PPP2R2B: variants seen among roughly 807,000 people sequenced by gnomAD.
The protein encoded by PPP2R2B is serine/threonine-protein phosphatase 2A 55 kDa regulatory subunit B beta isoform.
A neutral mutation model predicts 46.0 loss-of-function variants in PPP2R2B; 5 were observed. The observed-to-expected ratio is 0.11, with a 90% CI of 0.06 to 0.23. The LOEUF is 0.23. PPP2R2B is among the 10% of genes least tolerant of loss of function. The probability of loss-of-function intolerance (pLI) is 1.00; values close to 1 mark genes in which losing one functional copy is unlikely to be tolerated. For synonymous variants in PPP2R2B, 215 were observed against 206.7 expected, an observed-to-expected ratio of 1.04 and a Z score of -0.34; for missense variants, 367 against 575.0, an observed-to-expected ratio of 0.64 and a Z score of 3.70.
chr5:146,773,245 G>A (rs996048298), intron 2 of PPP2R2B, among the ~76,000 whole-genome samples: 1 of 152,168 alleles, frequency 6.6e-6, no homozygotes, highest in Non-Finnish European at 1.5e-5. Context: ...TATGGGAAAT[G>A]GCCATACTGC....
chr5:146,865,346 T>C (rs1171757105), intron 2 of PPP2R2B, among the ~76,000 whole-genome samples: 1 of 151,476 alleles, frequency 6.6e-6, no homozygotes, highest in African/African-American at 2.4e-5. Context: ...TGGAAGGAAA[T>C]ATAGCACATC....
intron 5 of PPP2R2B, among the ~76,000 whole-genome samples, chr5:146,678,391 T>C (rs1471400226): frequency 7.0e-6 from 1 of 142,760 alleles, no homozygotes; most frequent in African/African-American, 2.9e-5. Context: ...TGGGACGTAT[T>C]TCAAAATAAT....
At chr5:147,023,889 C>T (rs1235221682) in intron 1 of PPP2R2B, among the ~76,000 whole-genome samples, 1 of 152,096 alleles carries the variant, frequency 6.6e-6, no homozygotes, top group East Asian at 1.9e-4. Flanking sequence ...GATGGGACAT[C>T]CATCTTTTGC....
intron 2 of PPP2R2B, among the ~76,000 whole-genome samples, chr5:146,838,209 C>T (rs1759410635): frequency 6.6e-6 from 1 of 152,136 alleles, no homozygotes; most frequent in African/African-American, 2.4e-5. Context: ...CAAGGAGCTA[C>T]TAACATCACC....
chr5:147,035,331 G>A (rs1365666504), intron 1 of PPP2R2B: 4 of 311,392 alleles, frequency 1.3e-5, no homozygotes, highest in Non-Finnish European at 2.5e-5. Context: ...TCTATCACGA[G>A]AACAGCAAGG....
At chr5:147,001,665 G>A (rs1206350244) in intron 1 of PPP2R2B, among the ~76,000 whole-genome samples, 2 of 152,178 alleles carry the variant, frequency 1.3e-5, no homozygotes, top group Admixed American at 6.5e-5. Flanking sequence ...CTATCGCCAA[G>A]TGGTGAGTAC....
intron 1 of PPP2R2B, among the ~76,000 whole-genome samples, chr5:147,047,514 G>A (rs938363672): frequency 8.6e-5 from 13 of 152,002 alleles, no homozygotes; most frequent in African/African-American, 3.1e-4. Flanking sequence ...CTAATATAAA[G>A]AGTATTAATA....
intron 2 of PPP2R2B, among the ~76,000 whole-genome samples, chr5:146,868,168 T>C (rs962830176): frequency 1.3e-5 from 2 of 152,226 alleles, no homozygotes; most frequent in African/African-American, 4.8e-5. Context: ...GTCTCCAGCA[T>C]TCATGCTGCA....
In PPP2R2B at chr5:146,934,464, G is replaced by T. The variant is rs535866325; in HGVS notation, c.79+121201C>A. ...TAAGCATTTTTTCATGTGTTTTTTG[G>T]CTGCATAAATGTCTTCTTTTGAGAA... On this transcript the variant is annotated intron_variant, in intron 1 of 8. Transcript: ENST00000336640. Among the ~76,000 whole-genome samples the T allele has an allele frequency of 1.4e-3, 215 of 150,948 alleles. 3 individuals carry two copies. The South Asian group carries it at 0.016, about 11-fold the overall frequency.
chr5:146,968,875 A>G (rs909894205), intron 1 of PPP2R2B, among the ~76,000 whole-genome samples: 3 of 152,264 alleles, frequency 2.0e-5, no homozygotes, highest in African/African-American at 7.2e-5. Flanking sequence ...AGTACAATCT[A>G]GTAATTAGGA....
intron 2 of PPP2R2B, among the ~76,000 whole-genome samples, chr5:146,800,767 G>A (rs1374257303): frequency 6.6e-6 from 1 of 152,018 alleles, no homozygotes. Context: ...TCAAAATAGG[G>A]GGGCTCTCCA....
chr5:147,002,419 AC>A (rs1754220083), intron 1 of PPP2R2B, among the ~76,000 whole-genome samples: 1 of 152,168 alleles, frequency 6.6e-6, no homozygotes, highest in Non-Finnish European at 1.5e-5. Flanking sequence ...CTTCCATCCC[AC>A]AGGGTATGGC....
chr5:146,754,871 C>T (rs931090134), intron 2 of PPP2R2B, among the ~76,000 whole-genome samples: 2 of 152,132 alleles, frequency 1.3e-5, no homozygotes, highest in African/African-American at 4.8e-5. Flanking sequence ...AGTCAAGCTT[C>T]CAAATGACTG....
At chr5:146,621,165 G>A (rs1773664771) in intron 7 of PPP2R2B, among the ~76,000 whole-genome samples, 1 of 152,242 alleles carries the variant, frequency 6.6e-6, no homozygotes, top group Admixed American at 6.5e-5. Context: ...GGATCAGGCA[G>A]TCTGCCTCTG....
Position 146,730,410 on chromosome 5 carries a change from T to C in PPP2R2B, c.71-29268A>G, listed in dbSNP as rs369790526. On this transcript the variant is annotated intron_variant, in intron 2 of 9. Coordinates refer to ENST00000394411, the MANE Select transcript of PPP2R2B (RefSeq NM_181675.4). ...GTTAATGCTGAAATGAGTTAAGACT[T>C]TGGGGGACTACTGGGGAGGCATGAT... Among the ~76,000 whole-genome samples, 10 of 152,226 alleles carry C rather than the reference T, an allele frequency of 6.6e-5. No individual in the cohort carries two copies. The East Asian group carries it at 1.7e-3, about 26-fold the overall frequency.
chr5:146,615,620 T>A (rs527406118), intron 7 of PPP2R2B, among the ~76,000 whole-genome samples: 11 of 146,572 alleles, frequency 7.5e-5, no homozygotes, highest in African/African-American at 2.8e-4. Flanking sequence ...CAGCAAATAA[T>A]CTCAAGAAAT....
At chr5:146,682,572 C>G (rs748068067) in intron 5 of PPP2R2B, among the ~76,000 whole-genome samples, 2 of 152,180 alleles carry the variant, frequency 1.3e-5, no homozygotes, top group African/African-American at 4.8e-5. Flanking sequence ...CAAATGTCCT[C>G]ATCTGCAAAA....
At chr5:146,652,976 G>A (rs1183601513) in intron 5 of PPP2R2B, among the ~76,000 whole-genome samples, 3 of 152,094 alleles carry the variant, frequency 2.0e-5, no homozygotes, top group Non-Finnish European at 4.4e-5. Context: ...AAGGCATTGC[G>A]ATGGATAAAA....
chr5:146,943,759 G>C (rs907612115), intron 1 of PPP2R2B, among the ~76,000 whole-genome samples: 2 of 152,112 alleles, frequency 1.3e-5, no homozygotes, highest in African/African-American at 4.8e-5. Context: ...TATATGAGAG[G>C]ATCCAAATCC....
Sources: gnomAD v4.1 joint callset for allele counts (sites outside exome capture counted in the v4.1 genomes callset) on GRCh38, gnomAD v4.1.1 for gene constraint, MANE v1.5 for transcripts, NCBI Gene and HGNC (gene_info 2026-07-23, HGNC 2026-07-21) for gene names.